The following ZNF267 variants were observed in gnomAD, a reference collection of about 807,000 sequenced individuals.
ZNF267 encodes the protein zinc finger protein 267, also known as zinc finger (C2H2).
ZNF267 carries 61 observed loss-of-function variants against 71.6 expected under a neutral mutation model. The observed-to-expected ratio is 0.85, with a 90% CI of 0.69 to 1.05. The LOEUF (loss-of-function observed/expected upper bound fraction) is 1.05, where lower values mean the gene tolerates loss of function less well. Among genes scored for constraint, ZNF267 ranks in the 50% least tolerant of loss-of-function variants. ZNF267 has a pLI of 0.00. For synonymous variants in ZNF267, 288 were observed against 293.2 expected (o/e 0.98, Z 0.18); for missense variants, 852 against 870.0 (o/e 0.98, Z 0.26).
At position 31,915,625 on chromosome 16, in the gene ZNF267, C is replaced by CA; in HGVS notation, c.1377dup (p.Gly460ArgfsTer8). 6.2e-7 allele frequency: 1 copy of CA among 1,613,804 alleles called. No individual in the cohort carries two copies. Among genetic ancestry groups the CA allele is most frequent in the Non-Finnish European group, 8.5e-7 (1 of 1,179,964 alleles). ...CTTACTCAACATCAGACAACTCATA[C>CA]AGGAGAAAAACTTTACAAATGTAAA... On this transcript the variant is annotated frameshift_variant, in exon 4 of 4. Coordinates refer to ENST00000300870, the MANE Select transcript of ZNF267 (RefSeq NM_003414.6). LOFTEE classifies it high-confidence loss of function.
chr16:31,915,097 TTCAAC>T lies in ZNF267; in HGVS notation c.849_853del (p.Gln284SerfsTer11), dbSNP rs753311030. 327 of 1,613,626 alleles carry T rather than the reference TTCAAC, an allele frequency of 2.0e-4. No homozygotes were observed. The South Asian group carries it at 3.3e-3, about 16-fold the overall frequency. The stretch of plus-strand genomic sequence containing the variant: ...GTTTGTACCCAGTCATTAAAACATA[TTCAAC>T]ATCAGACCATCCATATCAGAGAAAA... On this transcript the variant is annotated frameshift_variant, in exon 4 of 4. Transcript: ENST00000300870. LOFTEE classifies it high-confidence loss of function.
At position 31,884,606 on chromosome 16, in the gene ZNF267, A is replaced by G; in HGVS notation, c.112A>G (p.Arg38Gly). The change falls in exon 2 of 4, where the codon AGA (arginine) becomes GGA (glycine). Residue 38 changes from arginine (R) to glycine (G), a missense_variant. Physicochemically the swap from Arg to Gly is moderately radical, Grantham distance 125 (BLOSUM62 -2). Transcript: ENST00000300870. ...LYQDVMLENY[R>G]NLVSLGLVVS... ...TCAGGATGTGATGTTAGAAAACTACAGAAACCTGGTCTCTCTGGGTGAGGA... is the reference window on the plus strand; with the variant it reads ...TCAGGATGTGATGTTAGAAAACTACGGAAACCTGGTCTCTCTGGGTGAGGA... The G allele has an allele frequency of 6.2e-7, 1 of 1,614,108 alleles. No individual in the cohort carries two copies. Among genetic ancestry groups the G allele is most frequent in the Non-Finnish European group, 8.5e-7 (1 of 1,179,982 alleles).
chr16:31,905,354 TC>T (rs2084079942), intron 3 of ZNF267, among the ~76,000 whole-genome samples: 1 of 152,194 alleles, frequency 6.6e-6, no homozygotes, highest in African/African-American at 2.4e-5. Context: ...TTGGGGAAGT[TC>T]TCCTGGATAA....
At chr16:31,881,617 A>G (rs751213572) in intron 1 of ZNF267, among the ~76,000 whole-genome samples, 1 of 151,934 alleles carries the variant, frequency 6.6e-6, no homozygotes, top group African/African-American at 2.4e-5. Context: ...ACAAGTTGTC[A>G]CAAAGTCAGT....
rs772782185 is a variant in ZNF267 at position 31,873,870 on chromosome 16, T to C, written c.-97T>C. Reference sequence around the variant, plus strand: ...TTCGTTCTGGGAGGCCCAGGCGGCTTCGCGTTCTGAGAATAAACAGAACCT... The same window carrying C: ...TTCGTTCTGGGAGGCCCAGGCGGCTCCGCGTTCTGAGAATAAACAGAACCT... On this transcript the variant is annotated 5_prime_UTR_variant, in exon 1 of 4. Coordinates refer to ENST00000300870, the MANE Select transcript of ZNF267 (RefSeq NM_003414.6). 6.4e-7 allele frequency: 1 copy of C among 1,563,546 alleles called. No individual in the cohort carries two copies. Among genetic ancestry groups the C allele is most frequent in the Non-Finnish European group, 8.8e-7 (1 of 1,134,908 alleles).
intron 3 of ZNF267, among the ~76,000 whole-genome samples, chr16:31,906,202 G>C (rs2084088662): frequency 6.6e-6 from 1 of 152,224 alleles, no homozygotes; most frequent in African/African-American, 2.4e-5. Flanking sequence ...CTACTGGGGG[G>C]TGCCTCCCAG....
At position 31,916,064 on chromosome 16, in the gene ZNF267, A is replaced by T; in HGVS notation, c.1815A>T (p.Thr605=). ...CTCATACTGGAGAGAAACCCTATAC[A>T]TGTAAAGAATGTGGCAAAGCCTTTA... ...RRTHTGEKPY[T]CKECGKAFSY... Residue 605 remains threonine (T), a synonymous_variant, in exon 4 of 4, where the codon ACA becomes ACT. Coordinates refer to ENST00000300870, the MANE Select transcript of ZNF267 (RefSeq NM_003414.6). 1 of 1,614,134 alleles carries T rather than the reference A, an allele frequency of 6.2e-7. No homozygotes were observed. The highest frequency in any genetic ancestry group is 8.5e-7 in the Non-Finnish European group (1 of 1,180,006).
chr16:31,906,204 G>A (rs2084088699), intron 3 of ZNF267, among the ~76,000 whole-genome samples: 2 of 152,162 alleles, frequency 1.3e-5, no homozygotes, highest in African/African-American at 4.8e-5. Context: ...ACTGGGGGGT[G>A]CCTCCCAGAT....
intron 2 of ZNF267, among the ~76,000 whole-genome samples, 176 bp downstream of exon 2, chr16:31,884,800 C>T (rs954243425): frequency 3.3e-5 from 5 of 152,116 alleles, no homozygotes; most frequent in African/African-American, 1.2e-4. Flanking sequence ...TGACATTCGC[C>T]TTTTTATTTG....
rs1272711342 is a variant in ZNF267 at position 31,916,277 on chromosome 16, T to C, written c.2028T>C (p.Thr676=). 1 of 1,614,152 alleles carries C rather than the reference T, an allele frequency of 6.2e-7. No individual in the cohort carries two copies. The highest frequency in any genetic ancestry group is 1.1e-5 in the South Asian group (1 of 91,072). The change falls in exon 4 of 4, where the codon ACT becomes ACC. Residue 676 remains threonine (T), a synonymous_variant. Transcript: ENST00000300870. ...CCTTCAACTCTAGGTCATACCTCAC[T>C]ACACATCGGAGAAGACATACTGGAG... ...GKAFNSRSYL[T]THRRRHTGER...
At chr16:31,905,344 T>C (rs771084502) in intron 3 of ZNF267, among the ~76,000 whole-genome samples, 3 of 152,086 alleles carry the variant, frequency 2.0e-5, no homozygotes, top group Non-Finnish European at 2.9e-5. Context: ...CCTTGCTGGA[T>C]TGGGGAAGTT....
chr16:31,901,016 G>A (rs1294478670), intron 3 of ZNF267, among the ~76,000 whole-genome samples: 2 of 151,654 alleles, frequency 1.3e-5, no homozygotes, highest in African/African-American at 2.4e-5. Flanking sequence ...TGTTCTCTTT[G>A]TTCAATTCCC....
intron 3 of ZNF267, among the ~76,000 whole-genome samples, chr16:31,899,205 C>T (rs2142348434): frequency 6.6e-6 from 1 of 152,290 alleles, no homozygotes; most frequent in African/African-American, 2.4e-5. Context: ...ACAGAACTCT[C>T]CAACCCAAGT....
At chr16:31,904,560 G>T (rs562227530) in intron 3 of ZNF267, among the ~76,000 whole-genome samples, 1 of 152,064 alleles carries the variant, frequency 6.6e-6, no homozygotes, top group Admixed American at 6.5e-5. Flanking sequence ...TTCTCTCTTT[G>T]GATCTTTGTT....
chr16:31,894,561 C>T (rs994064916), intron 3 of ZNF267: 14 of 503,590 alleles, frequency 2.8e-5, no homozygotes, highest in Admixed American at 6.7e-5. Flanking sequence ...CTCATAATCG[C>T]GCTCTCACCT....
chr16:31,875,430 T>G (rs927456220), intron 1 of ZNF267: 4 of 864,030 alleles, frequency 4.6e-6, no homozygotes, highest in Non-Finnish European at 4.6e-6. Flanking sequence ...AAAGCTAGTT[T>G]TCATCCCTTG....
intron 3 of ZNF267, chr16:31,895,101 T>G (rs941274840): frequency 5.0e-6 from 1 of 200,666 alleles, no homozygotes; most frequent in Non-Finnish European, 1.0e-5. Flanking sequence ...CATATCATCT[T>G]GCTTGCCATG....
At chr16:31,877,928 C>A (rs1043507172) in intron 1 of ZNF267, among the ~76,000 whole-genome samples, 1 of 151,890 alleles carries the variant, frequency 6.6e-6, no homozygotes, top group Non-Finnish European at 1.5e-5. Context: ...TTGAGTAGAT[C>A]TTTGAAATGA....
At chr16:31,897,212 C>T (rs943841306) in intron 3 of ZNF267, among the ~76,000 whole-genome samples, 3 of 150,402 alleles carry the variant, frequency 2.0e-5, no homozygotes, top group African/African-American at 4.9e-5. Flanking sequence ...ATTAAAGTTG[C>T]AGGATATAAA....
Sources: allele counts gnomAD v4.1 joint callset (sites outside exome capture counted in the v4.1 genomes callset), GRCh38; gene constraint gnomAD v4.1.1; transcripts MANE v1.5; gene names NCBI Gene and HGNC (gene_info 2026-07-23, HGNC 2026-07-21).